The following SOX5 variants were observed in gnomAD, a reference collection of about 807,000 sequenced individuals.
SOX5 encodes SRY-box transcription factor 5.
SOX5 carries 9 observed loss-of-function variants against 92.0 expected under a neutral mutation model. The observed-to-expected ratio is 0.10, with a 90% CI of 0.06 to 0.17. The LOEUF (loss-of-function observed/expected upper bound fraction) is 0.17, where lower values mean the gene tolerates loss of function less well. Among genes scored for constraint, SOX5 ranks in the 10% least tolerant of loss-of-function variants. The pLI, the probability that SOX5 is intolerant of heterozygous loss-of-function variation, is 1.00. For missense variants in SOX5, 642 were observed against 944.5 expected (o/e 0.68, Z 4.20); for synonymous variants, 344 against 336.3 (o/e 1.02, Z -0.25).
chr12:24,432,303 T>C (rs1182993894), intron 1 of SOX5, among the ~76,000 whole-genome samples: 1 of 152,178 alleles, frequency 6.6e-6, no homozygotes, highest in Non-Finnish European at 1.5e-5. Flanking sequence ...ATACTTCCAG[T>C]AAGCTCATGG....
At chr12:23,618,323 T>C (rs1392354239) in intron 8 of SOX5, among the ~76,000 whole-genome samples, 1 of 152,194 alleles carries the variant, frequency 6.6e-6, no homozygotes, top group Admixed American at 6.5e-5. Flanking sequence ...TACAGTATTA[T>C]CAGAAAGAGT....
intron 1 of SOX5, among the ~76,000 whole-genome samples, chr12:24,396,675 C>G (rs1393156852): frequency 6.6e-6 from 1 of 152,210 alleles, no homozygotes; most frequent in Non-Finnish European, 1.5e-5. Context: ...AGTTAAACCC[C>G]TGGATGTGTC....
chr12:24,506,500 A>G (rs1246593548), intron 1 of SOX5, among the ~76,000 whole-genome samples: 1 of 151,908 alleles, frequency 6.6e-6, no homozygotes, highest in Non-Finnish European at 1.5e-5. Context: ...CTTCAGTAGC[A>G]TTGCTTTAGG....
intron 3 of SOX5, among the ~76,000 whole-genome samples, chr12:24,215,838 C>T (rs946550880): frequency 6.6e-6 from 1 of 151,592 alleles, no homozygotes; most frequent in African/African-American, 2.4e-5. Flanking sequence ...TGTATCCTTC[C>T]CAACTTCAAA....
At chr12:23,806,189 T>C (rs1414784374) in intron 3 of SOX5, among the ~76,000 whole-genome samples, 2 of 152,162 alleles carry the variant, frequency 1.3e-5, no homozygotes, top group African/African-American at 4.8e-5. Context: ...TGTTTTTAAA[T>C]TTCCATTAGC....
intron 3 of SOX5, among the ~76,000 whole-genome samples, chr12:23,806,342 C>A (rs191774730): frequency 6.6e-6 from 1 of 152,116 alleles, no homozygotes; most frequent in African/African-American, 2.4e-5. Context: ...TCAAGAAGCA[C>A]GCATCAACAC....
At chr12:24,405,919 G>C (rs534320639) in intron 1 of SOX5, among the ~76,000 whole-genome samples, 1 of 152,104 alleles carries the variant, frequency 6.6e-6, no homozygotes, top group Non-Finnish European at 1.5e-5. Flanking sequence ...ATCTTTCCCT[G>C]AGACAGAGAC....
intron 2 of SOX5, among the ~76,000 whole-genome samples, chr12:23,862,348 T>G (rs528149064): frequency 6.6e-6 from 1 of 152,224 alleles, no homozygotes; most frequent in African/African-American, 2.4e-5. Flanking sequence ...GAGAAGAAAT[T>G]TGTCTACTAT....
chr12:24,381,926 A>G (rs189147923), intron 1 of SOX5, among the ~76,000 whole-genome samples: 1 of 152,374 alleles, frequency 6.6e-6, no homozygotes, highest in East Asian at 1.9e-4. Flanking sequence ...AACAATGTAC[A>G]TTATTTATGA....
At chr12:23,547,722 T>C (rs972073178) in intron 11 of SOX5, among the ~76,000 whole-genome samples, 9 of 152,148 alleles carry the variant, frequency 5.9e-5, no homozygotes, top group African/African-American at 2.4e-5. Flanking sequence ...TGTCAATCAG[T>C]ATAAAATACA....
At chr12:23,703,513 G>T (rs1284678652) in intron 6 of SOX5, among the ~76,000 whole-genome samples, 4 of 151,758 alleles carry the variant, frequency 2.6e-5, no homozygotes, top group Non-Finnish European at 4.4e-5. Context: ...AAAAATCAGC[G>T]AGTGAAAAAG....
intron 4 of SOX5, among the ~76,000 whole-genome samples, chr12:24,006,871 C>T (rs964152014): frequency 2.0e-5 from 3 of 151,884 alleles, no homozygotes; most frequent in Admixed American, 2.0e-4. Flanking sequence ...CGGTGCCTCA[C>T]GCCTATAATC....
intron 3 of SOX5, among the ~76,000 whole-genome samples, chr12:23,811,543 T>C (rs991745103): frequency 6.6e-6 from 1 of 152,148 alleles, no homozygotes; most frequent in Non-Finnish European, 1.5e-5. Context: ...TTATGTTTAT[T>C]TGATTTACAG....
chr12:24,218,757 TTAAGA>T (rs1229462865), intron 3 of SOX5, among the ~76,000 whole-genome samples: 2 of 152,094 alleles, frequency 1.3e-5, no homozygotes, highest in African/African-American at 4.8e-5. Flanking sequence ...TCTAACAATG[TTAAGA>T]TAATACAAAA....
intron 3 of SOX5, among the ~76,000 whole-genome samples, chr12:24,256,021 T>C (rs1941098849): frequency 5.9e-5 from 9 of 152,230 alleles, no homozygotes; most frequent in Admixed American, 5.9e-4. Context: ...AGTTGGTTAA[T>C]GTTTTCTTGG....
At chr12:23,655,239 A>G (rs906042729) in intron 7 of SOX5, among the ~76,000 whole-genome samples, 2 of 152,126 alleles carry the variant, frequency 1.3e-5, no homozygotes, top group African/African-American at 2.4e-5. Flanking sequence ...TGAAAAGGTG[A>G]CAATGAATCA....
intron 1 of SOX5, among the ~76,000 whole-genome samples, chr12:24,400,902 G>A (rs1461336085): frequency 1.3e-5 from 2 of 152,252 alleles, no homozygotes; most frequent in Non-Finnish European, 2.9e-5. Context: ...TGTTGGCACA[G>A]TATGGCCTGT....
chr12:24,512,381 A>G (rs1423511759), intron 1 of SOX5, among the ~76,000 whole-genome samples: 1 of 152,228 alleles, frequency 6.6e-6, no homozygotes, highest in Non-Finnish European at 1.5e-5. Flanking sequence ...TCCTATCTCC[A>G]TCCCTTCCAT....
chr12:23,916,430 T>C (rs1433662777), intron 1 of SOX5, among the ~76,000 whole-genome samples: 1 of 152,138 alleles, frequency 6.6e-6, no homozygotes, highest in Non-Finnish European at 1.5e-5. Flanking sequence ...TACTTCAAAA[T>C]GGAGTGATGT....
Sources: allele counts gnomAD v4.1 joint callset (sites outside exome capture counted in the v4.1 genomes callset), GRCh38; gene constraint gnomAD v4.1.1; transcripts MANE v1.5; gene names NCBI Gene and HGNC (gene_info 2026-07-23, HGNC 2026-07-21).